Variants in SLC35D4 observed in about 807,000 individuals in gnomAD.
The protein encoded by SLC35D4 is solute carrier family 35 member D4.
At chr18:23,374,733 C>T in the SLC35D4 span, among the ~76,000 whole-genome samples, 1 of 152,170 alleles carries the variant, frequency 6.6e-6, no homozygotes, top group Non-Finnish European at 1.5e-5. Context: ...GATCCGCCTG[C>T]CTCGGCCTCC....
At chr18:23,334,801 G>A in the SLC35D4 span, among the ~76,000 whole-genome samples, 3 of 152,110 alleles carry the variant, frequency 2.0e-5, no homozygotes, top group African/African-American at 7.2e-5. Flanking sequence ...GGACGGGTTC[G>A]AGACCAGCCT....
chr18:23,335,390 C>A, the SLC35D4 span, among the ~76,000 whole-genome samples: 2 of 152,238 alleles, frequency 1.3e-5, no homozygotes, highest in African/African-American at 4.8e-5. Context: ...ATGGCAGTCA[C>A]TCTGCTGACA....
At chr18:23,409,680 T>C in the SLC35D4 span, among the ~76,000 whole-genome samples, 1 of 151,828 alleles carries the variant, frequency 6.6e-6, no homozygotes, top group African/African-American at 2.4e-5. Flanking sequence ...CCGTCTCAAC[T>C]AAAAAATGCA....
At chr18:23,397,559 A>G in the SLC35D4 span, among the ~76,000 whole-genome samples, 109,588 of 152,106 alleles carry the variant, frequency 0.72, 40,082 homozygotes, top group African/African-American at 0.84. Context: ...CATTCGTGAC[A>G]TAGGTTTCTA....
chr18:23,268,491 AG>A, the SLC35D4 span, among the ~76,000 whole-genome samples: 1 of 152,158 alleles, frequency 6.6e-6, no homozygotes, highest in Non-Finnish European at 1.5e-5. Context: ...GGTGGGGTCT[AG>A]GAATCCATAT....
At chr18:23,410,775 C>T in the SLC35D4 span, among the ~76,000 whole-genome samples, 3 of 152,086 alleles carry the variant, frequency 2.0e-5, no homozygotes, top group South Asian at 4.1e-4. Context: ...CCAGCCTGGG[C>T]GACACAAGTG....
the SLC35D4 span, among the ~76,000 whole-genome samples, chr18:23,273,707 G>A: frequency 2.6e-5 from 4 of 151,980 alleles, no homozygotes; most frequent in Non-Finnish European, 5.9e-5. Flanking sequence ...AAAGTCATTC[G>A]CCTCACGGTC....
the SLC35D4 span, among the ~76,000 whole-genome samples, chr18:23,371,111 T>C: frequency 6.6e-6 from 1 of 151,768 alleles, no homozygotes; most frequent in Non-Finnish European, 1.5e-5. Context: ...CTTTCTTTTT[T>C]TTTGACAGGG....
chr18:23,419,436 G>A, the SLC35D4 span, among the ~76,000 whole-genome samples: 2 of 151,988 alleles, frequency 1.3e-5, no homozygotes, highest in Admixed American at 6.6e-5. Context: ...GGGATTACAG[G>A]TATGTGCCAC....
the SLC35D4 span, among the ~76,000 whole-genome samples, chr18:23,313,644 G>A: frequency 6.6e-6 from 1 of 152,286 alleles, no homozygotes; most frequent in African/African-American, 2.4e-5. Context: ...CACTAGTTGT[G>A]GGAATGCATT....
At chr18:23,411,988 A>C in the SLC35D4 span, among the ~76,000 whole-genome samples, 1 of 152,204 alleles carries the variant, frequency 6.6e-6, no homozygotes, top group Non-Finnish European at 1.5e-5. Flanking sequence ...TTACACTGAC[A>C]CCTAGTGGAC....
the SLC35D4 span, chr18:23,370,103 C>T: frequency 2.0e-5 from 17 of 836,918 alleles, no homozygotes; most frequent in Middle Eastern, 3.5e-4. Flanking sequence ...CGCTTGAACC[C>T]GGGGGGTGGA....
the SLC35D4 span, among the ~76,000 whole-genome samples, chr18:23,347,472 T>G: frequency 6.6e-6 from 1 of 152,160 alleles, no homozygotes; most frequent in Admixed American, 6.5e-5. Flanking sequence ...TCACCCAGGC[T>G]GGAGTGCAGT....
the SLC35D4 span, chr18:23,437,718 G>C: frequency 7.8e-6 from 12 of 1,539,534 alleles, no homozygotes; most frequent in Admixed American, 5.9e-5. Flanking sequence ...CGTTTGTCAC[G>C]GGAAGATTCT....
the SLC35D4 span, among the ~76,000 whole-genome samples, chr18:23,383,211 G>A: frequency 2.6e-5 from 4 of 152,106 alleles, no homozygotes; most frequent in Non-Finnish European, 5.9e-5. Flanking sequence ...GGTCCTCTGT[G>A]AGCAGCAGGT....
At chr18:23,272,654 C>T in the SLC35D4 span, among the ~76,000 whole-genome samples, 1 of 152,002 alleles carries the variant, frequency 6.6e-6, no homozygotes, top group Non-Finnish European at 1.5e-5. Context: ...ACCTTTTATC[C>T]TCGCACTCAG....
At chr18:23,355,177 A>G in the SLC35D4 span, among the ~76,000 whole-genome samples, 1 of 152,234 alleles carries the variant, frequency 6.6e-6, no homozygotes, top group Non-Finnish European at 1.5e-5. Context: ...AGTCACATCA[A>G]TTCAAACAGA....
chr18:23,360,960 G>C, the SLC35D4 span, among the ~76,000 whole-genome samples: 1 of 151,794 alleles, frequency 6.6e-6, no homozygotes, highest in East Asian at 1.9e-4. Flanking sequence ...AAATTAGCTG[G>C]GCGTGGTGGC....
chr18:23,399,315 G>A, the SLC35D4 span, among the ~76,000 whole-genome samples: 3 of 152,152 alleles, frequency 2.0e-5, no homozygotes, highest in East Asian at 5.8e-4. Context: ...GTCCCAGCAG[G>A]GCCCGTCTCT....
Sources: gnomAD v4.1 joint callset for allele counts (sites outside exome capture counted in the v4.1 genomes callset) on GRCh38, gnomAD v4.1.1 for gene constraint, MANE v1.5 for transcripts, NCBI Gene and HGNC (gene_info 2026-07-23, HGNC 2026-07-21) for gene names.